Variants in IPO5 observed in about 807,000 individuals in gnomAD.
IPO5 encodes the protein importin-5.
IPO5 carries 18 observed loss-of-function variants against 143.3 expected under a neutral mutation model. The ratio of observed to expected loss-of-function variants is 0.13; its 90% CI spans 0.09 to 0.19. The LOEUF (loss-of-function observed/expected upper bound fraction) is 0.19, where lower values mean the gene tolerates loss of function less well. Among genes scored for constraint, IPO5 ranks in the 10% least tolerant of loss-of-function variants. IPO5 has a pLI of 1.00. For missense variants in IPO5, 1,013 were observed against 1,336.9 expected (o/e 0.76, Z 3.78); for synonymous variants, 477 against 465.7 (o/e 1.02, Z -0.31).
At chr13:97,960,735 T>G (rs1381679302) in intron 2 of IPO5, among the ~76,000 whole-genome samples, 1 of 152,034 alleles carries the variant, frequency 6.6e-6, no homozygotes, top group Non-Finnish European at 1.5e-5. Flanking sequence ...ACTTTTGTAC[T>G]TTCAGTAGAG....
chr13:97,989,013 T>C (rs776103435), intron 6 of IPO5, 49 bp from the exon 7 acceptor site: 12 of 1,020,520 alleles, frequency 1.2e-5, no homozygotes, highest in Admixed American at 1.8e-5. Context: ...TCCTAGTATA[T>C]TGAAGTTCTG....
intron 21 of IPO5, among the ~76,000 whole-genome samples, chr13:98,013,510 C>CTTTTACCCAACAAAGACTT: frequency 6.6e-6 from 1 of 152,166 alleles, no homozygotes; most frequent in Non-Finnish European, 1.5e-5. Flanking sequence ...CAGAAGACAG[C>CTTTTACCCAACAAAGACTT]TTTTACCCAA....
chr13:98,006,178 A>G lies in IPO5; in HGVS notation c.1546A>G (p.Ile516Val). 2 of 1,613,952 alleles carry G rather than the reference A, an allele frequency of 1.2e-6. No homozygotes were observed. Among genetic ancestry groups the G allele is most frequent in the Non-Finnish European group, 1.7e-6 (2 of 1,179,954 alleles). The change falls in exon 17 of 29, where the codon ATT (isoleucine) becomes GTT (valine). Residue 516 changes from isoleucine (I) to valine (V), a missense_variant. Physicochemically the swap from Ile to Val is conservative, Grantham distance 29. This residue lies in a region of IPO5 where 685 missense variants were observed against 994.9 expected (regional missense o/e 0.69). Transcript: ENST00000651721. ...KLVLEQVVTS[I>V]ASVADTAEEK... The stretch of plus-strand genomic sequence containing the variant: ...AGTTTTGGAACAAGTTGTGACATCC[A>G]TTGCATCAGTTGCCGATACTGCAGA...
chr13:97,955,571 TAA>T (rs1884398839), intron 2 of IPO5, among the ~76,000 whole-genome samples: 1 of 152,192 alleles, frequency 6.6e-6, no homozygotes, highest in African/African-American at 2.4e-5. Context: ...CAAGCAAGCC[TAA>T]GTGGCCTGTG....
At chr13:98,020,894 C>T (rs1594139544) in intron 27 of IPO5, 98 bp from the exon 28 acceptor site, 2 of 923,748 alleles carry the variant, frequency 2.2e-6, no homozygotes, top group East Asian at 2.7e-5. Context: ...GGCTGGTTTT[C>T]TTCCTACTGA....
chr13:97,968,936 A>G (rs1010699456), intron 2 of IPO5, among the ~76,000 whole-genome samples: 1 of 150,396 alleles, frequency 6.6e-6, no homozygotes, highest in African/African-American at 2.4e-5. Flanking sequence ...TGATCCACCC[A>G]CCCTGGCCTC....
intron 22 of IPO5, among the ~76,000 whole-genome samples, chr13:98,015,242 T>TTGTGTG (rs1179382229): frequency 0.28 from 41,975 of 147,418 alleles, 6,349 homozygotes; most frequent in Admixed American, 0.42. Context: ...TAGGAGCTGG[T>TTGTGTG]TGTGTGTGTG....
chr13:98,003,057 G>A lies in IPO5; in HGVS notation c.1497+20G>A. On this transcript the variant is annotated intron_variant, in intron 16 of 28. Transcript: ENST00000651721. ...CAAGAGGTAAGTTTTAAGATCTGTAGGCTGCTTTCTGTTTGTAGATTAATT... is the reference window on the plus strand; with the variant it reads ...CAAGAGGTAAGTTTTAAGATCTGTAAGCTGCTTTCTGTTTGTAGATTAATT... The A allele has an allele frequency of 6.3e-7, 1 of 1,576,160 alleles. No individual in the cohort carries two copies. The highest frequency in any genetic ancestry group is 8.6e-7 in the Non-Finnish European group (1 of 1,160,180).
At chr13:97,989,187 T>C (rs1887616413) in intron 7 of IPO5, 23 bp downstream of exon 7, 5 of 1,334,692 alleles carry the variant, frequency 3.7e-6, no homozygotes, top group Non-Finnish European at 5.4e-6. Flanking sequence ...ATCTAGTTTT[T>C]TGAGACATTT....
chr13:97,975,997 G>T, intron 3 of IPO5: 1 of 982,834 alleles, frequency 1.0e-6, no homozygotes, highest in Non-Finnish European at 1.2e-6. Flanking sequence ...GTGAGTAGAA[G>T]GTACGTAGGA....
intron 2 of IPO5, among the ~76,000 whole-genome samples, chr13:97,965,165 G>A (rs1050267119): frequency 1.3e-5 from 2 of 152,094 alleles, no homozygotes; most frequent in African/African-American, 4.8e-5. Context: ...ACAGGAAGGG[G>A]AACATCACAC....
chr13:97,991,675 T>C (rs1887814208), intron 9 of IPO5, among the ~76,000 whole-genome samples: 1 of 152,174 alleles, frequency 6.6e-6, no homozygotes. Context: ...TCAGAGCATT[T>C]TGGATTTGGG....
intron 27 of IPO5, among the ~76,000 whole-genome samples, 199 bp from the exon 28 acceptor site, chr13:98,020,793 T>C (rs995112698): frequency 7.2e-5 from 11 of 152,198 alleles, no homozygotes; most frequent in African/African-American, 2.7e-4. Context: ...CATTCTGTTG[T>C]TTGGCCCTTA....
intron 11 of IPO5, among the ~76,000 whole-genome samples, chr13:97,996,757 C>T (rs867765274): frequency 8.3e-4 from 126 of 152,216 alleles, no homozygotes; most frequent in African/African-American, 2.8e-3. Flanking sequence ...TGCTCGCCAC[C>T]ACACCCGGCT....
At chr13:97,956,742 G>C (rs887374613) in intron 2 of IPO5, among the ~76,000 whole-genome samples, 1 of 152,140 alleles carries the variant, frequency 6.6e-6, no homozygotes, top group Non-Finnish European at 1.5e-5. Context: ...CCACTAAATA[G>C]TCAATTCACA....
intron 4 of IPO5, chr13:97,981,276 C>T (rs1482599753): frequency 4.4e-6 from 2 of 455,854 alleles, no homozygotes; most frequent in East Asian, 7.0e-5. Context: ...ACCTGTGTAG[C>T]ACTGCATAAA....
chr13:97,964,624 A>G (rs1313718756), intron 2 of IPO5, among the ~76,000 whole-genome samples: 6 of 151,094 alleles, frequency 4.0e-5, no homozygotes, highest in Non-Finnish European at 8.9e-5. Flanking sequence ...GTATTTTTAC[A>G]AAAAAAAGTA....
chr13:97,968,465 A>G (rs1484339913), intron 2 of IPO5, among the ~76,000 whole-genome samples: 1 of 152,184 alleles, frequency 6.6e-6, no homozygotes, highest in Non-Finnish European at 1.5e-5. Flanking sequence ...CGTTACTGAA[A>G]GGTGGGAACA....
intron 2 of IPO5, 48 bp from the exon 3 acceptor site, chr13:97,969,675 A>C (rs1885660056): frequency 1.2e-6 from 1 of 803,390 alleles, no homozygotes; most frequent in Admixed American, 2.1e-5. Context: ...ATCATCTTCA[A>C]AATTAAGTAC....
Sources: gnomAD v4.1 joint callset for allele counts (sites outside exome capture counted in the v4.1 genomes callset) on GRCh38, gnomAD v4.1.1 for gene constraint, gnomAD v4.1.1 regional missense constraint, MANE v1.5 for transcripts, NCBI Gene and HGNC (gene_info 2026-07-23, HGNC 2026-07-21) for gene names.